Variants in SEMA4D observed in about 807,000 individuals in gnomAD.
SEMA4D encodes semaphorin 4D.
Under a neutral mutation model 74.8 loss-of-function variants are expected in SEMA4D, and 22 were observed. The ratio of observed to expected loss-of-function variants is 0.29; its 90% CI spans 0.21 to 0.42. The LOEUF is 0.42. SEMA4D is among the 10% of genes least tolerant of loss of function. The probability of loss-of-function intolerance (pLI) is 1.00; values close to 1 mark genes in which losing one functional copy is unlikely to be tolerated. For missense variants in SEMA4D, 937 were observed against 1,118.4 expected (o/e 0.84, Z 2.31); for synonymous variants, 445 against 463.7 (o/e 0.96, Z 0.52).
downstream of SEMA4D, among the ~76,000 whole-genome samples, chr9:89,372,338 G>T (rs564818557): frequency 4.7e-3 from 571 of 121,300 alleles, 8 homozygotes; most frequent in African/African-American, 0.017. Context: ...AGGTGTGTGT[G>T]GGGGGGTGTG....
chr9:89,444,936 G>A (rs770716013), intron 2 of SEMA4D, among the ~76,000 whole-genome samples: 3 of 152,094 alleles, frequency 2.0e-5, no homozygotes, highest in Non-Finnish European at 4.4e-5. Context: ...TGGCAAAAGA[G>A]GGCTGAACAT....
intron 2 of SEMA4D, among the ~76,000 whole-genome samples, chr9:89,426,564 C>A (rs1288721003): frequency 6.6e-6 from 1 of 152,154 alleles, no homozygotes; most frequent in African/African-American, 2.4e-5. Flanking sequence ...TCACTCCAGG[C>A]GGGAAACAAA....
At chr9:89,472,327 G>A (rs1240706349) in intron 1 of SEMA4D, 3 of 434,668 alleles carry the variant, frequency 6.9e-6, no homozygotes, top group South Asian at 3.7e-5. Flanking sequence ...AGGAGGAGAT[G>A]GCAAAGTTAG....
chr9:89,371,338 G>A (rs1468618092), intron 16 of SEMA4D, among the ~76,000 whole-genome samples: 1 of 136,812 alleles, frequency 7.3e-6, no homozygotes, highest in Non-Finnish European at 1.6e-5. Context: ...TGTGTGTCTG[G>A]AGTGTGGTGT....
chr9:89,364,819 C>G (rs904536123), intron 16 of SEMA4D: 1 of 152,250 alleles, frequency 6.6e-6, no homozygotes, highest in Non-Finnish European at 1.5e-5. Context: ...CCCAGGCTGC[C>G]TCGCCTGGGG....
chr9:89,422,176 T>C (rs148501214), intron 2 of SEMA4D, among the ~76,000 whole-genome samples: 123 of 152,346 alleles, frequency 8.1e-4, no homozygotes, highest in African/African-American at 2.9e-3. Flanking sequence ...AAGAGGAAGA[T>C]TTCATCAAAA....
chr9:89,382,132 T>C (rs1330714257), intron 13 of SEMA4D, among the ~76,000 whole-genome samples: 1 of 152,136 alleles, frequency 6.6e-6, no homozygotes, highest in Non-Finnish European at 1.5e-5. Flanking sequence ...GCACCAGCAG[T>C]GCCCAGCACA....
chr9:89,452,205 G>A (rs1854742214), intron 2 of SEMA4D, among the ~76,000 whole-genome samples: 1 of 142,918 alleles, frequency 7.0e-6, no homozygotes, highest in Non-Finnish European at 1.5e-5. Flanking sequence ...TTGAGATGGA[G>A]TCTCGCTCTG....
intron 8 of SEMA4D, 25 bp from the exon 9 acceptor site, chr9:89,391,440 C>A (rs1483831688): frequency 6.2e-7 from 1 of 1,613,568 alleles, no homozygotes; most frequent in South Asian, 1.1e-5. Flanking sequence ...CAGTGATTAT[C>A]CCAGAACACA....
intron 2 of SEMA4D, among the ~76,000 whole-genome samples, chr9:89,411,967 C>A (rs1844628986): frequency 6.6e-6 from 1 of 152,238 alleles, no homozygotes; most frequent in Admixed American, 6.5e-5. Flanking sequence ...CCACCCGTCT[C>A]AGGCTGCCTT....
chr9:89,445,106 T>C (rs1462364469), intron 2 of SEMA4D, among the ~76,000 whole-genome samples: 1 of 152,118 alleles, frequency 6.6e-6, no homozygotes, highest in Non-Finnish European at 1.5e-5. Context: ...AGTCAGTTTA[T>C]AGTGTTTCAT....
At chr9:89,497,556 C>T (rs1312656356) in intron 1 of SEMA4D, 1 of 151,862 alleles carries the variant, frequency 6.6e-6, no homozygotes, top group Non-Finnish European at 1.5e-5. Context: ...CCTCCCTGGC[C>T]CGGGTATGCA....
In SEMA4D at chr9:89,392,088, A is replaced by T. The variant is rs75339740; in HGVS notation, c.622+335T>A. Among the ~76,000 whole-genome samples, 665 of 152,302 alleles carry T rather than the reference A, an allele frequency of 4.4e-3. 5 individuals are homozygous for T. Among genetic ancestry groups the T allele is most frequent in the African/African-American group, 0.015 (639 of 41,558 alleles). On this transcript the variant is annotated intron_variant, in intron 8 of 15. Coordinates refer to ENST00000422704, the MANE Select transcript of SEMA4D (RefSeq NM_001371194.2). Reference sequence around the variant, plus strand: ...CACACCAGTGTTGGTGCCACACTTTAATATCATTCTGGAAATTATACCATG... The same window carrying T: ...CACACCAGTGTTGGTGCCACACTTTTATATCATTCTGGAAATTATACCATG...
intron 1 of SEMA4D, among the ~76,000 whole-genome samples, chr9:89,488,032 C>T (rs867081211): frequency 2.0e-5 from 3 of 152,096 alleles, no homozygotes; most frequent in African/African-American, 4.8e-5. Context: ...GATCTAGAAC[C>T]GACACTACAA....
intron 12 of SEMA4D, 119 bp downstream of exon 12, chr9:89,387,267 G>A: frequency 3.7e-6 from 3 of 821,706 alleles, no homozygotes; most frequent in African/African-American, 1.7e-5. Flanking sequence ...AAACCTCCCA[G>A]GTCACCTCGA....
At chr9:89,395,756 C>CTA (rs888957675) in intron 6 of SEMA4D, among the ~76,000 whole-genome samples, 110 of 152,298 alleles carry the variant, frequency 7.2e-4, no homozygotes, top group African/African-American at 2.5e-3. Flanking sequence ...CCCCAGACGT[C>CTA]TGTGTGCAAA....
intron 1 of SEMA4D, among the ~76,000 whole-genome samples, chr9:89,495,436 G>C (rs976934799): frequency 2.6e-5 from 4 of 152,094 alleles, no homozygotes; most frequent in African/African-American, 9.7e-5. Context: ...CCTGGACCCT[G>C]GACGGCAATG....
In SEMA4D at chr9:89,392,514, C is replaced by T. The variant is rs372226892; in HGVS notation, c.531G>A (p.Thr177=). ...VMVDGELYSG[T]SYNFLGSEPI... is the part of the protein sequence containing the mutation. ...GTTCACTTCCCAAAAAATTATACGA[C>T]GTCCCCGAATAAAGTTCTCCATCTG... Residue 177 remains threonine (T), a synonymous_variant, in exon 8 of 16, where the codon ACG becomes ACA. Transcript: ENST00000422704. 25 of 1,613,602 alleles carry T rather than the reference C, an allele frequency of 1.5e-5. No individual in the cohort carries two copies. The highest frequency in any genetic ancestry group is 2.7e-5 in the African/African-American group (2 of 74,858).
chr9:89,382,844 C>T (rs142271816), intron 13 of SEMA4D, among the ~76,000 whole-genome samples: 3 of 152,226 alleles, frequency 2.0e-5, no homozygotes, highest in Non-Finnish European at 4.4e-5. Context: ...AAGTGGGGCC[C>T]GCCTGACTCC....
Sources: gnomAD v4.1 joint callset for allele counts (sites outside exome capture counted in the v4.1 genomes callset) on GRCh38, gnomAD v4.1.1 for gene constraint, MANE v1.5 for transcripts, NCBI Gene and HGNC (gene_info 2026-07-23, HGNC 2026-07-21) for gene names.